Variants in POLR1D observed in about 807,000 individuals in gnomAD.
POLR1D encodes DNA-directed RNA polymerases I and III subunit RPAC2.
In POLR1D, 8 loss-of-function variants were observed where a neutral mutation model predicts 10.8. The ratio of observed to expected loss-of-function variants is 0.74; its 90% CI spans 0.43 to 1.33. The LOEUF (loss-of-function observed/expected upper bound fraction) is 1.33. Ranked by LOEUF, POLR1D falls within the 40% of genes most tolerant of loss-of-function variation. The pLI, the probability that POLR1D is intolerant of heterozygous loss-of-function variation, is 0.01. For missense variants in POLR1D, 152 were observed against 161.7 expected (o/e 0.94, Z 0.32); for synonymous variants, 54 against 57.2 (o/e 0.94, Z 0.25).
At chr13:27,664,206 T>C (rs1956393430) in intron 2 of POLR1D, among the ~76,000 whole-genome samples, 1 of 152,182 alleles carries the variant, frequency 6.6e-6, no homozygotes, top group African/African-American at 2.4e-5. Context: ...GAGGTAGAAA[T>C]GTCTTTACCT....
chr13:27,631,877 C>A (rs184143408), intron 1 of POLR1D, among the ~76,000 whole-genome samples: 4 of 152,248 alleles, frequency 2.6e-5, no homozygotes, highest in Admixed American at 6.5e-5. Flanking sequence ...TTATTTTGTA[C>A]ACTTATCAGC....
downstream of POLR1D, among the ~76,000 whole-genome samples, chr13:27,628,336 G>C (rs375412206): frequency 6.6e-6 from 1 of 152,158 alleles, no homozygotes; most frequent in South Asian, 2.1e-4. Flanking sequence ...GCCAGGATAC[G>C]GCAGTGAACA....
chr13:27,662,519 C>G (rs1956374395), intron 2 of POLR1D, among the ~76,000 whole-genome samples: 1 of 152,108 alleles, frequency 6.6e-6, no homozygotes, highest in Non-Finnish European at 1.5e-5. Flanking sequence ...ATAAAAATAA[C>G]TTGGTTTTAA....
At chr13:27,621,249 G>C (rs1304937814), upstream of POLR1D, 1 of 152,510 alleles carries the variant, frequency 6.6e-6, no homozygotes, top group Non-Finnish European at 1.5e-5. Flanking sequence ...GGAATCCTAG[G>C]ACGGAAAGGA....
At chr13:27,629,838 C>CT (rs1956055505) in intron 1 of POLR1D, among the ~76,000 whole-genome samples, 1 of 152,180 alleles carries the variant, frequency 6.6e-6, no homozygotes, top group Non-Finnish European at 1.5e-5. Flanking sequence ...GGTATCTGGA[C>CT]TATTGGTAGG....
rs1233536931 is a variant in POLR1D, at chr13:27,622,042, C to T, written c.26+33C>T. ...CCGAGGAGGAGGCGGGCGGAGCGGGCCGCGCCCAAGGGGAGCGGGTGGCCG... is the reference window on the plus strand; with the variant it reads ...CCGAGGAGGAGGCGGGCGGAGCGGGTCGCGCCCAAGGGGAGCGGGTGGCCG... On this transcript the variant is annotated intron_variant, in intron 1 of 1. Coordinates refer to ENST00000302979, the MANE Select transcript of POLR1D (RefSeq NM_015972.4). The T allele has an allele frequency of 4.5e-6, 7 of 1,563,366 alleles. No individual in the cohort carries two copies. The African/African-American group carries it at 9.4e-5, about 21-fold the overall frequency.
downstream of POLR1D, among the ~76,000 whole-genome samples, chr13:27,626,005 G>A (rs1302123418): frequency 6.6e-6 from 1 of 152,180 alleles, no homozygotes; most frequent in Non-Finnish European, 1.5e-5. Context: ...GAGTTTAGGC[G>A]GGAGCAGGGA....
chr13:27,631,258 C>T (rs1186335852), intron 1 of POLR1D, among the ~76,000 whole-genome samples: 2 of 152,164 alleles, frequency 1.3e-5, no homozygotes, highest in Admixed American at 6.5e-5. Flanking sequence ...GCATGGGAGA[C>T]GATTTGCCCA....
Position 27,622,998 on chromosome 13 carries a change from C to T in POLR1D, c.150C>T (p.Thr50=). The T allele has an allele frequency of 6.2e-7, 1 of 1,614,040 alleles. No individual in the cohort carries two copies. Among genetic ancestry groups the T allele is most frequent in the South Asian group, 1.1e-5 (1 of 91,076 alleles). ...VTFVLHEEDH[T]LGNSLRYMIM... is the part of the protein sequence containing the mutation. The stretch of plus-strand genomic sequence containing the variant: ...TTGTATTGCACGAGGAAGACCATAC[C>T]CTAGGAAATTCTCTACGTTACATGA... Residue 50 remains threonine (T), a synonymous_variant, in exon 2 of 2, where the codon ACC becomes ACT. Coordinates refer to ENST00000302979, the MANE Select transcript of POLR1D (RefSeq NM_015972.4).
intron 1 of POLR1D, among the ~76,000 whole-genome samples, chr13:27,642,407 A>T (rs1454111873): frequency 6.6e-6 from 1 of 152,086 alleles, no homozygotes; most frequent in Non-Finnish European, 1.5e-5. Context: ...ACTACAGGGG[A>T]TTGCTCCCTC....
intron 2 of POLR1D, among the ~76,000 whole-genome samples, chr13:27,654,945 GC>G (rs1156651229): frequency 1.3e-5 from 2 of 152,190 alleles, no homozygotes; most frequent in Non-Finnish European, 2.9e-5. Flanking sequence ...TATGGAAATA[GC>G]TTTGACTTTG....
chr13:27,665,866 CTTCCGCGCTCGAGG>C lies in POLR1D; in HGVS notation c.289_302del (p.Ala97GlnfsTer76). 1.2e-6 allele frequency: 2 copies of C among 1,614,126 alleles called. No homozygotes were observed. Among genetic ancestry groups the C allele is most frequent in the Non-Finnish European group, 1.7e-6 (2 of 1,179,920 alleles). Reference sequence around the variant, plus strand: ...ACAGAAGCCATCCTTACAAGCACAGCTTCCGCGCTCGAGGTTCCGCCAGTTACTCCCCGCCACGA... The same window carrying C: ...ACAGAAGCCATCCTTACAAGCACAGCTTCCGCCAGTTACTCCCCGCCACGA... On this transcript the variant is annotated frameshift_variant, in exon 3 of 3. Coordinates refer to the POLR1D transcript ENST00000399697. LOFTEE classifies it low-confidence loss of function (END_TRUNC).
intron 1 of POLR1D, among the ~76,000 whole-genome samples, chr13:27,646,387 A>G (rs1765510765): frequency 6.6e-6 from 1 of 152,182 alleles, no homozygotes; most frequent in South Asian, 2.1e-4. Context: ...TAAGAGACAA[A>G]GTCCCCAGAT....
intron 2 of POLR1D, among the ~76,000 whole-genome samples, chr13:27,653,465 G>A (rs1303410299): frequency 6.6e-6 from 1 of 152,152 alleles, no homozygotes; most frequent in Admixed American, 6.5e-5. Flanking sequence ...TGTAAGAGGT[G>A]GATCCCGTGG....
intron 2 of POLR1D, among the ~76,000 whole-genome samples, chr13:27,652,911 C>CTTT (rs71083685): frequency 0.082 from 7,351 of 89,260 alleles, 641 homozygotes; most frequent in South Asian, 0.1. Flanking sequence ...TTTACCATTT[C>CTTT]TTTTTTTTTT....
intron 1 of POLR1D, among the ~76,000 whole-genome samples, chr13:27,631,618 A>G (rs868652801): frequency 1.3e-5 from 2 of 152,176 alleles, no homozygotes; most frequent in Admixed American, 6.5e-5. Context: ...CATAGTACTC[A>G]TTGTCAACTG....
chr13:27,659,922 A>G (rs1198948677), intron 2 of POLR1D, among the ~76,000 whole-genome samples: 1 of 150,176 alleles, frequency 6.7e-6, no homozygotes, highest in Non-Finnish European at 1.5e-5. Flanking sequence ...ATATATATAT[A>G]TATACACACA....
rs1255169536 is a variant in POLR1D, at chr13:27,622,984, G to A, written c.136G>A (p.Glu46Lys). The A allele has an allele frequency of 1.2e-5, 19 of 1,614,084 alleles. No individual in the cohort carries two copies. Among genetic ancestry groups the A allele is most frequent in the Non-Finnish European group, 1.4e-5 (16 of 1,179,946 alleles). The change falls in exon 2 of 2, where the codon GAG becomes AAG. Residue 46 changes from glutamate (E) to lysine (K), a missense_variant. Transcript: ENST00000302979. ...DRHCVTFVLH[E>K]EDHTLGNSLR... ...ACACTGTGTGACATTTGTATTGCAC[G>A]AGGAAGACCATACCCTAGGAAATTC...
chr13:27,640,436 A>G (rs937797819), intron 1 of POLR1D, among the ~76,000 whole-genome samples: 3 of 152,198 alleles, frequency 2.0e-5, no homozygotes, highest in Admixed American at 2.0e-4. Flanking sequence ...AGAAAAGTTA[A>G]AAAAGACATT....
Sources: gnomAD v4.1 joint callset for allele counts (sites outside exome capture counted in the v4.1 genomes callset) on GRCh38, gnomAD v4.1.1 for gene constraint, MANE v1.5 for transcripts, NCBI Gene and HGNC (gene_info 2026-07-23, HGNC 2026-07-21) for gene names.